Variants in KIAA1671 observed in about 807,000 individuals in gnomAD.
The protein encoded by KIAA1671 is uncharacterized protein KIAA1671.
Under a neutral mutation model 131.2 loss-of-function variants are expected in KIAA1671, and 52 were observed. The ratio of observed to expected loss-of-function variants is 0.40; its 90% CI spans 0.32 to 0.50. The LOEUF (loss-of-function observed/expected upper bound fraction) is 0.50. Among genes scored for constraint, KIAA1671 ranks in the 20% least tolerant of loss-of-function variants. KIAA1671 has a pLI of 0.73. For missense variants in KIAA1671, 2,360 were observed against 2,364.2 expected, an observed-to-expected ratio of 1.00 and a Z score of 0.04; for synonymous variants, 1,003 against 961.6, an observed-to-expected ratio of 1.04 and a Z score of -0.80.
At chr22:25,005,862 G>T (rs945054791) in intron 1 of KIAA1671, among the ~76,000 whole-genome samples, 1 of 152,090 alleles carries the variant, frequency 6.6e-6, no homozygotes, top group African/African-American at 2.4e-5. Flanking sequence ...TCCTACCCAG[G>T]TGACTTCCTC....
intron 6 of KIAA1671, among the ~76,000 whole-genome samples, chr22:25,077,202 A>T (rs1056069168): frequency 6.6e-6 from 1 of 152,204 alleles, no homozygotes; most frequent in Non-Finnish European, 1.5e-5. Flanking sequence ...CTGGCCTAGA[A>T]TCCTGGCCCT....
rs749822432 is a variant in KIAA1671 at position 25,195,695 on chromosome 22, A to G, written c.*3294A>G. On this transcript the variant is annotated 3_prime_UTR_variant, in exon 13 of 13. Coordinates refer to ENST00000358431, the MANE Select transcript of KIAA1671 (RefSeq NM_001145206.2). ...CCTAAAAGAGACCTTAGCTGCTCCA[A>G]CCTGGTGCTGATAGCTGCTTTGTTG... 5 of 152,186 alleles carry G rather than the reference A, an allele frequency of 3.3e-5. No individual in the cohort carries two copies. Among genetic ancestry groups the G allele is most frequent in the Admixed American group, 6.5e-5 (1 of 15,286 alleles). 9.4% of individuals were successfully genotyped at this position (152,186 alleles called of 1,614,324 possible). A position where few individuals can be genotyped will look rare whatever the true frequency, so the allele number is the denominator to read the frequency against.
chr22:25,105,006 T>C (rs1568958091), intron 6 of KIAA1671, among the ~76,000 whole-genome samples: 2 of 151,804 alleles, frequency 1.3e-5, no homozygotes, highest in African/African-American at 4.8e-5. Context: ...ATTTCTTCTT[T>C]CTCTTTCTTT....
intron 1 of KIAA1671, among the ~76,000 whole-genome samples, chr22:24,986,647 CCACCCACCCACCCAT>C (rs1923553794): frequency 1.7e-5 from 2 of 116,408 alleles, no homozygotes; most frequent in Non-Finnish European, 3.6e-5. Context: ...ACCCACCCAT[CCACCCACCCACCCAT>C]CCACCCACCC....
At chr22:24,970,785 GT>G (rs1922574163) in intron 1 of KIAA1671, among the ~76,000 whole-genome samples, 1 of 150,288 alleles carries the variant, frequency 6.7e-6, no homozygotes, top group African/African-American at 2.5e-5. Flanking sequence ...ATGAATTTGT[GT>G]TGGGCTCATT....
At chr22:25,186,825 C>A (rs1320145930) in intron 11 of KIAA1671, among the ~76,000 whole-genome samples, 1 of 152,230 alleles carries the variant, frequency 6.6e-6, no homozygotes, top group South Asian at 2.1e-4. Context: ...AAAGACAGGG[C>A]CATAGTTGAG....
chr22:25,197,202 A>C lies in KIAA1671; in HGVS notation c.*4801A>C, dbSNP rs1173146611. The C allele has an allele frequency of 1.3e-5, 2 of 152,236 alleles. No homozygotes were observed. The highest frequency in any genetic ancestry group is 2.4e-5 in the African/African-American group (1 of 41,464). 9.4% of individuals were successfully genotyped at this position (152,236 alleles called of 1,614,324 possible). ...GAAAGAATCTCTAACCGTGTGACTG[A>C]GAAGTCATCTAGAAAAACTTATATT... On this transcript the variant is annotated 3_prime_UTR_variant, in exon 13 of 13. Coordinates refer to ENST00000358431, the MANE Select transcript of KIAA1671 (RefSeq NM_001145206.2).
At chr22:25,156,348 T>C (rs541102085) in intron 6 of KIAA1671, among the ~76,000 whole-genome samples, 24 of 152,120 alleles carry the variant, frequency 1.6e-4, no homozygotes, top group African/African-American at 5.3e-4. Context: ...TATGTATATG[T>C]AATTGTGTGC....
At chr22:25,074,940 T>G (rs1320647645) in intron 6 of KIAA1671, among the ~76,000 whole-genome samples, 1 of 152,200 alleles carries the variant, frequency 6.6e-6, no homozygotes, top group Non-Finnish European at 1.5e-5. Context: ...TGAGGAACTA[T>G]CATACTATTT....
At chr22:24,957,607 G>T (rs1921778990) in intron 1 of KIAA1671, among the ~76,000 whole-genome samples, 1 of 151,538 alleles carries the variant, frequency 6.6e-6, no homozygotes, top group Non-Finnish European at 1.5e-5. Context: ...GAGAATGTAG[G>T]TAAAGCACAT....
chr22:25,072,021 C>CT (rs1318635799), intron 6 of KIAA1671, among the ~76,000 whole-genome samples: 9 of 152,138 alleles, frequency 5.9e-5, no homozygotes, highest in Non-Finnish European at 8.8e-5. Context: ...CCCAAGGAAG[C>CT]TGAGTGCTGG....
chr22:25,173,966 G>C (rs1160445545), intron 7 of KIAA1671, among the ~76,000 whole-genome samples: 3 of 152,140 alleles, frequency 2.0e-5, no homozygotes, highest in African/African-American at 7.2e-5. Context: ...CTTCCGTCCA[G>C]GACAGCGCAG....
chr22:25,037,838 CT>C (rs1369040303), intron 4 of KIAA1671, among the ~76,000 whole-genome samples: 1 of 151,774 alleles, frequency 6.6e-6, no homozygotes, highest in East Asian at 1.9e-4. Context: ...TATTTAATTC[CT>C]TTTATTTATT....
chr22:25,140,490 C>T (rs1374362462), intron 6 of KIAA1671, among the ~76,000 whole-genome samples: 1 of 152,144 alleles, frequency 6.6e-6, no homozygotes, highest in Non-Finnish European at 1.5e-5. Context: ...ATTCTCAAGG[C>T]AGGGTCTTCT....
intron 1 of KIAA1671, among the ~76,000 whole-genome samples, chr22:25,004,904 C>A (rs1323597904): frequency 1.3e-5 from 2 of 151,436 alleles, no homozygotes; most frequent in African/African-American, 4.9e-5. Context: ...TGAGATGGCA[C>A]CTCTGCACTC....
intron 1 of KIAA1671, chr22:25,011,670 C>G (rs1412265280): frequency 8.1e-6 from 1 of 124,032 alleles, no homozygotes; most frequent in Non-Finnish European, 1.6e-5. Context: ...TGGAGTTTTG[C>G]TCTGTCGCCC....
intron 6 of KIAA1671, among the ~76,000 whole-genome samples, chr22:25,093,812 G>GTCTCTCTCTT (rs1930231229): frequency 9.7e-5 from 3 of 31,042 alleles, no homozygotes; most frequent in African/African-American, 6.5e-4. Context: ...CTCTCTCTCT[G>GTCTCTCTCTT]TCTCTCTCTC....
At chr22:25,067,657 A>G (rs538278485) in intron 6 of KIAA1671, among the ~76,000 whole-genome samples, 2 of 150,544 alleles carry the variant, frequency 1.3e-5, no homozygotes, top group African/African-American at 4.9e-5. Flanking sequence ...TCCTCTCTCC[A>G]TCCCGCCTGT....
rs183316402 is a variant in KIAA1671, at chr22:25,136,336, C to T, written c.4531-34484C>T. Among the ~76,000 whole-genome samples, 4 of 152,302 alleles carry T rather than the reference C, an allele frequency of 2.6e-5. No individual in the cohort carries two copies. In the East Asian group the frequency reaches 5.8e-4, roughly 22 times the overall value. On this transcript the variant is annotated intron_variant, in intron 6 of 12. Transcript: ENST00000358431. ...ATCAAGGCTCAGAGACAACAAGGGG[C>T]TTCACCCAGATCACACAGCCAGTAA...
Sources: allele counts gnomAD v4.1 joint callset (sites outside exome capture counted in the v4.1 genomes callset), GRCh38; gene constraint gnomAD v4.1.1; transcripts MANE v1.5; gene names NCBI Gene and HGNC (gene_info 2026-07-23, HGNC 2026-07-21).